PCDHA3: variants seen among roughly 807,000 people sequenced by gnomAD.
PCDHA3 encodes the protein protocadherin alpha 3.
In PCDHA3, 41 loss-of-function variants were observed where a neutral mutation model predicts 62.2. The ratio of observed to expected loss-of-function variants is 0.66; its 90% CI spans 0.51 to 0.86. PCDHA3 has a LOEUF of 0.86. Among genes scored for constraint, PCDHA3 ranks in the 40% least tolerant of loss-of-function variants. The probability of loss-of-function intolerance (pLI) is 0.00; values close to 1 mark genes in which losing one functional copy is unlikely to be tolerated. For synonymous variants in PCDHA3, 640 were observed against 555.4 expected (o/e 1.15, Z -2.14); for missense variants, 1,304 against 1,241.2 (o/e 1.05, Z -0.76).
chr5:140,851,812 G>A, intron 1 of PCDHA3: 1 of 953,880 alleles, frequency 1.0e-6, no homozygotes, highest in Non-Finnish European at 1.3e-6. Context: ...TAATCCATAA[G>A]ACAGAAATCT....
At position 140,803,126 on chromosome 5, in the gene PCDHA3, G is replaced by A. The variant is rs924510716; in HGVS notation, c.1929G>A (p.Pro643=). The A allele has an allele frequency of 9.9e-6, 16 of 1,613,692 alleles. No homozygotes were observed. The highest frequency in any genetic ancestry group is 1.3e-5 in the Non-Finnish European group (15 of 1,179,942). ...GTGCCCTGGACGAGGTGGACGCCCC[G>A]CGCCATCGCCTACTGGTGCTGGTGA... ...TTRALDEVDA[P]RHRLLVLVKD... The change falls in exon 1 of 4, where the codon CCG becomes CCA. Residue 643 remains proline (P), a synonymous_variant. Transcript: ENST00000522353.
chr5:140,883,080 A>G, intron 1 of PCDHA3: 1 of 1,614,140 alleles, frequency 6.2e-7, no homozygotes, highest in Non-Finnish European at 8.5e-7. Flanking sequence ...GATCCTGATG[A>G]TGGTACAAAT....
In PCDHA3 at chr5:140,855,633, A is replaced by G. The variant is rs2043544595; in HGVS notation, c.2394+52042A>G. On this transcript the variant is annotated intron_variant, in intron 1 of 3. Transcript: ENST00000522353. ...ATTAAGGGCATTTTGAAATTCGGCT[A>G]TTGATAATCATGTGGTTAGGGAAGA... 1.3e-5 allele frequency among the ~76,000 whole-genome samples: 2 copies of G among 149,874 alleles called. 1 individual carries two copies. Among genetic ancestry groups the G allele is most frequent in the African/African-American group, 4.9e-5 (2 of 40,848 alleles).
At chr5:140,833,422 G>C (rs2150208269) in intron 1 of PCDHA3, among the ~76,000 whole-genome samples, 10 of 152,298 alleles carry the variant, frequency 6.6e-5, no homozygotes, top group African/African-American at 2.2e-4. Flanking sequence ...CTGTATGTGA[G>C]ATGGCTGAGC....
intron 1 of PCDHA3, chr5:140,835,523 A>C: frequency 6.2e-7 from 1 of 1,613,916 alleles, no homozygotes; most frequent in Non-Finnish European, 8.5e-7. Context: ...GAGATTTTGG[A>C]GTCAACGGAC....
chr5:140,844,871 C>A (rs1779583904), intron 1 of PCDHA3, among the ~76,000 whole-genome samples: 2 of 149,246 alleles, frequency 1.3e-5, no homozygotes, highest in African/African-American at 4.9e-5. Context: ...ATATTAAATA[C>A]CCATTAGACT....
intron 1 of PCDHA3, chr5:140,876,767 C>T (rs1462172871): frequency 1.2e-6 from 2 of 1,614,194 alleles, no homozygotes; most frequent in South Asian, 1.1e-5. Flanking sequence ...GATGGGGGCT[C>T]GCCTTCGCTG....
intron 1 of PCDHA3, chr5:140,851,046 C>A: frequency 7.2e-7 from 1 of 1,389,024 alleles, no homozygotes; most frequent in Non-Finnish European, 9.4e-7. Context: ...TTGGAGCCGA[C>A]TTTGTCTTGA....
intron 1 of PCDHA3, chr5:140,812,597 G>A (rs145623750): frequency 2.9e-4 from 44 of 151,406 alleles, no homozygotes; most frequent in African/African-American, 1.0e-3. Flanking sequence ...TTCATTTTTA[G>A]TGTAGGCATT....
intron 1 of PCDHA3, among the ~76,000 whole-genome samples, chr5:140,978,124 G>A (rs1554239035): frequency 6.6e-6 from 1 of 152,140 alleles, no homozygotes; most frequent in East Asian, 1.9e-4. Context: ...GTCTTTAGGT[G>A]CCCATATTTT....
At chr5:140,843,385 T>C (rs2150358841) in intron 1 of PCDHA3, 2 of 1,595,900 alleles carry the variant, frequency 1.3e-6, no homozygotes, top group Admixed American at 1.7e-5. Context: ...GCGTTTTGGG[T>C]CCGGAAGCGG....
intron 1 of PCDHA3, chr5:140,836,884 T>A (rs1387111400): frequency 1.6e-6 from 1 of 642,656 alleles, no homozygotes; most frequent in Non-Finnish European, 2.5e-6. Flanking sequence ...TTGCACTAAT[T>A]ATTTGGAAGT....
At chr5:140,999,454 A>G (rs1467435215) in intron 3 of PCDHA3, among the ~76,000 whole-genome samples, 1 of 152,206 alleles carries the variant, frequency 6.6e-6, no homozygotes, top group African/African-American at 2.4e-5. Context: ...CGTTCAACGA[A>G]TAAGTGGTGA....
chr5:140,901,970 G>A (rs1178784932), intron 1 of PCDHA3, among the ~76,000 whole-genome samples: 1 of 151,954 alleles, frequency 6.6e-6, no homozygotes, highest in Non-Finnish European at 1.5e-5. Context: ...TCGTAAATGG[G>A]ATTACTTTTT....
At position 140,960,349 on chromosome 5, in the gene PCDHA3, A is replaced by T. The variant is rs936485666; in HGVS notation, c.2395-18600A>T. Among the ~76,000 whole-genome samples, 8 of 152,238 alleles carry T rather than the reference A, an allele frequency of 5.3e-5. No homozygotes were observed. The East Asian group carries it at 1.3e-3, about 26-fold the overall frequency. ...GAGAAGTACATGAGGTGAGATATGTACTGAAATAATATGCCAACTCTTAAG... is the reference window on the plus strand; with the variant it reads ...GAGAAGTACATGAGGTGAGATATGTTCTGAAATAATATGCCAACTCTTAAG... On this transcript the variant is annotated intron_variant, in intron 1 of 3. Coordinates refer to ENST00000522353, the MANE Select transcript of PCDHA3 (RefSeq NM_018906.3).
In PCDHA3 at chr5:140,897,967, T is replaced by G. The variant is rs1277557012; in HGVS notation, c.2395-80982T>G. On this transcript the variant is annotated intron_variant, in intron 1 of 3. Transcript: ENST00000522353. Reference sequence around the variant, plus strand: ...ATGATTAGCATTTTTTCATGTGTCTTTTGGCTGCATAAATGTCTTCTTTTG... The same window carrying G: ...ATGATTAGCATTTTTTCATGTGTCTGTTGGCTGCATAAATGTCTTCTTTTG... Among the ~76,000 whole-genome samples, 3 of 152,364 alleles carry G rather than the reference T, an allele frequency of 2.0e-5. No homozygotes were observed. In the East Asian group the frequency reaches 5.8e-4, roughly 29 times the overall value.
At chr5:140,828,067 G>A (rs2150150517) in intron 1 of PCDHA3, 4 of 1,560,446 alleles carry the variant, frequency 2.6e-6, no homozygotes, top group Non-Finnish European at 8.7e-7. Flanking sequence ...ATCTTCTAAT[G>A]GAAATAAAAC....
At chr5:140,884,688 C>T in intron 1 of PCDHA3, 1 of 1,535,868 alleles carries the variant, frequency 6.5e-7, no homozygotes, top group Non-Finnish European at 8.8e-7. Context: ...AAAAAATTGT[C>T]TTAGTAAACA....
chr5:140,821,208 T>C (rs2150108977), intron 1 of PCDHA3, among the ~76,000 whole-genome samples: 7 of 152,160 alleles, frequency 4.6e-5, no homozygotes, highest in Non-Finnish European at 8.8e-5. Flanking sequence ...AAGTTTTAAT[T>C]AGATATGTTT....
Sources: allele counts gnomAD v4.1 joint callset (sites outside exome capture counted in the v4.1 genomes callset), GRCh38; gene constraint gnomAD v4.1.1; transcripts MANE v1.5; gene names NCBI Gene and HGNC (gene_info 2026-07-23, HGNC 2026-07-21).